Variants in GNG12 observed in about 807,000 individuals in gnomAD.
The protein encoded by GNG12 is G protein subunit gamma 12, also known as guanine nucleotide-binding protein G(I)/G(S)/G(O) subunit gamma-12.
For missense variants in GNG12, 69 were observed against 83.8 expected (o/e 0.82, Z 0.69); for synonymous variants, 28 against 29.7 (o/e 0.94, Z 0.19).
At chr1:67,807,588 A>G (rs1317256089) in intron 1 of GNG12, among the ~76,000 whole-genome samples, 1 of 151,966 alleles carries the variant, frequency 6.6e-6, no homozygotes, top group Non-Finnish European at 1.5e-5. Flanking sequence ...GTCTGAGAAA[A>G]AAAGAAAGAA....
chr1:67,823,089 G>A (rs1030871933), intron 1 of GNG12, among the ~76,000 whole-genome samples: 35 of 152,124 alleles, frequency 2.3e-4, no homozygotes, highest in Admixed American at 1.9e-3. Flanking sequence ...AAATTAAAGG[G>A]AGAACAGGAG....
At chr1:67,728,149 G>T (rs1646397588) in intron 2 of GNG12, among the ~76,000 whole-genome samples, 1 of 152,168 alleles carries the variant, frequency 6.6e-6, no homozygotes, top group Admixed American at 6.5e-5. Context: ...CCCTAACAGG[G>T]CTGCCTTTCA....
intron 2 of GNG12, among the ~76,000 whole-genome samples, chr1:67,755,724 G>A (rs1375203800): frequency 6.6e-6 from 1 of 152,138 alleles, no homozygotes; most frequent in Non-Finnish European, 1.5e-5. Context: ...TTTGTGCAAA[G>A]TGGATACTCA....
intron 2 of GNG12, among the ~76,000 whole-genome samples, chr1:67,750,581 C>A (rs982355616): frequency 3.9e-5 from 6 of 152,202 alleles, no homozygotes; most frequent in African/African-American, 1.4e-4. Context: ...GAGAATTTTA[C>A]AGATCAGTAG....
chr1:67,826,383 C>G (rs1001354262), intron 1 of GNG12, among the ~76,000 whole-genome samples: 7 of 152,234 alleles, frequency 4.6e-5, no homozygotes, highest in African/African-American at 1.7e-4. Context: ...CATTTGCCTC[C>G]TTGCCCAGGC....
intron 2 of GNG12, among the ~76,000 whole-genome samples, chr1:67,724,914 TCATAA>T (rs1488527888): frequency 1.1e-4 from 16 of 152,346 alleles, no homozygotes; most frequent in African/African-American, 3.4e-4. Flanking sequence ...CCTAAACATG[TCATAA>T]CATATTATAT....
intron 1 of GNG12, among the ~76,000 whole-genome samples, chr1:67,827,311 T>C (rs1647016594): frequency 6.6e-6 from 1 of 152,172 alleles, no homozygotes; most frequent in South Asian, 2.1e-4. Flanking sequence ...TATTATACAA[T>C]CAATGAAACT....
At chr1:67,743,904 G>C (rs912004872) in intron 2 of GNG12, among the ~76,000 whole-genome samples, 1 of 152,134 alleles carries the variant, frequency 6.6e-6, no homozygotes. Flanking sequence ...TCACAATAGA[G>C]AAAATGGTAT....
Position 67,702,049 on chromosome 1 carries a change from A to G in GNG12, c.*3402T>C, listed in dbSNP as rs1352886619. The stretch of plus-strand genomic sequence containing the variant: ...CAAATGGAGAAATAGAGGCCCAGAG[A>G]GATGAAGCGCCTTGTCCAAGGTCAC... On this transcript the variant is annotated 3_prime_UTR_variant, in exon 4 of 4. Coordinates refer to ENST00000370982, the MANE Select transcript of GNG12 (RefSeq NM_018841.6). 1.3e-5 allele frequency: 2 copies of G among 152,862 alleles called. No homozygotes were observed. Among genetic ancestry groups the G allele is most frequent in the Non-Finnish European group, 2.9e-5 (2 of 68,158 alleles). 9.5% of individuals were successfully genotyped at this position (152,862 alleles called of 1,614,324 possible). A position where few individuals can be genotyped will look rare whatever the true frequency, so the allele number is the denominator to read the frequency against.
chr1:67,743,472 C>T (rs757536513), intron 2 of GNG12, among the ~76,000 whole-genome samples: 20 of 152,140 alleles, frequency 1.3e-4, no homozygotes, highest in South Asian at 8.3e-4. Context: ...CTGCTAATAC[C>T]GCCAAATGCA....
intron 1 of GNG12, among the ~76,000 whole-genome samples, chr1:67,796,981 C>T (rs537277859): frequency 6.6e-6 from 1 of 152,274 alleles, no homozygotes; most frequent in African/African-American, 2.4e-5. Context: ...ACAATCAGCT[C>T]TTGCGTGAAC....
At chr1:67,793,890 A>G (rs540673590) in intron 1 of GNG12, among the ~76,000 whole-genome samples, 1 of 152,284 alleles carries the variant, frequency 6.6e-6, no homozygotes, top group South Asian at 2.1e-4. Flanking sequence ...GGCATTAGTC[A>G]CTGTTGCAGC....
At chr1:67,788,626 C>T (rs1341512434) in intron 1 of GNG12, among the ~76,000 whole-genome samples, 2 of 152,144 alleles carry the variant, frequency 1.3e-5, no homozygotes, top group Non-Finnish European at 2.9e-5. Context: ...AAGGCATGAA[C>T]CACTGTGCCT....
chr1:67,772,607 G>A (rs931902114), intron 2 of GNG12: 13 of 152,060 alleles, frequency 8.5e-5, no homozygotes, highest in African/African-American at 1.9e-4. Context: ...GTCTTCCAGT[G>A]AAAAGAGGAA....
chr1:67,766,485 G>A (rs76864102), intron 2 of GNG12, among the ~76,000 whole-genome samples: 2,491 of 152,206 alleles, frequency 0.016, 82 homozygotes, highest in African/African-American at 0.057. Context: ...TGATTACGGC[G>A]GAGCATAAGC....
chr1:67,778,949 C>A (rs982465235), intron 1 of GNG12, among the ~76,000 whole-genome samples: 1 of 152,134 alleles, frequency 6.6e-6, no homozygotes, highest in Non-Finnish European at 1.5e-5. Context: ...GGGATCCGAG[C>A]ACAAAAACCA....
chr1:67,763,090 G>GGAGAGACAGAGAGAGAGAGAGA (rs1646615125), intron 2 of GNG12, among the ~76,000 whole-genome samples: 1 of 116,724 alleles, frequency 8.6e-6, no homozygotes, highest in Non-Finnish European at 1.8e-5. Flanking sequence ...TACCCTCCCA[G>GGAGAGACAGAGAGAGAGAGAGA]GAGAGAGAGA....
At chr1:67,768,052 T>C (rs555432095) in intron 2 of GNG12, among the ~76,000 whole-genome samples, 4 of 152,370 alleles carry the variant, frequency 2.6e-5, no homozygotes, top group South Asian at 2.1e-4. Flanking sequence ...GCTGGGACTA[T>C]AGGCACATGC....
chr1:67,826,649 T>G (rs1484480923), intron 1 of GNG12, among the ~76,000 whole-genome samples: 1 of 152,212 alleles, frequency 6.6e-6, no homozygotes, highest in East Asian at 1.9e-4. Flanking sequence ...CTAATTTGCC[T>G]GAGATTCTGG....
Sources: allele counts gnomAD v4.1 joint callset (sites outside exome capture counted in the v4.1 genomes callset), GRCh38; gene constraint gnomAD v4.1.1; transcripts MANE v1.5; gene names NCBI Gene and HGNC (gene_info 2026-07-23, HGNC 2026-07-21).